FOXI3: variants seen among roughly 807,000 people sequenced by gnomAD.
The protein encoded by FOXI3 is forkhead box protein I3.
Under a neutral mutation model 15.6 loss-of-function variants are expected in FOXI3, and 4 were observed. The ratio of observed to expected loss-of-function variants is 0.26; its 90% confidence interval spans 0.13 to 0.59. The LOEUF (loss-of-function observed/expected upper bound fraction) is 0.59, where lower values mean the gene tolerates loss of function less well. Among genes scored for constraint, FOXI3 ranks in the 20% least tolerant of loss-of-function variants. The pLI, the probability that FOXI3 is intolerant of heterozygous loss-of-function variation, is 0.90. For synonymous variants in FOXI3, 238 were observed against 244.4 expected (o/e 0.97, Z 0.25); for missense variants, 489 against 548.2 (o/e 0.89, Z 1.08).
Position 88,452,181 on chromosome 2 carries a change from AGGCGGGCGC to A in FOXI3, c.346_354del (p.Ala116_Ala118del), listed in dbSNP as rs757327073. 2.5e-4 allele frequency: 312 copies of A among 1,272,850 alleles called. 5 individuals are homozygous for A. Among genetic ancestry groups the A allele is most frequent in the Non-Finnish European group, 2.7e-4 (274 of 1,013,252 alleles). The allele number at this position is 1,272,850 out of a possible 1,614,324, so 78.8% of individuals were successfully genotyped here. ...CCGGGCCCCGCGGGCGCGGCGGGCGAGGCGGGCGCGGCGGGCGCGGGCTGCGCGAAGGGC... is the reference window on the plus strand; with the variant it reads ...CCGGGCCCCGCGGGCGCGGCGGGCGAGGCGGGCGCGGGCTGCGCGAAGGGC... On this transcript the variant is annotated inframe_deletion, in exon 1 of 2. Coordinates refer to ENST00000428390, the MANE Select transcript of FOXI3 (RefSeq NM_001135649.3).
chr2:88,451,514 G>C (rs1460069791), intron 1 of FOXI3, among the ~76,000 whole-genome samples: 2 of 152,160 alleles, frequency 1.3e-5, no homozygotes, highest in Non-Finnish European at 2.9e-5. Flanking sequence ...GGAAATCCCA[G>C]CTCACACGGA....
At position 88,452,647 on chromosome 2, in the gene FOXI3, A is replaced by C. The variant is rs1676075976; in HGVS notation, c.-112T>G. 1.5e-6 allele frequency: 1 copy of C among 647,786 alleles called. No homozygotes were observed. Among genetic ancestry groups the C allele is most frequent in the Non-Finnish European group, 2.0e-6 (1 of 510,534 alleles). The allele number at this position is 647,786 out of a possible 1,614,324, so 40.1% of individuals were successfully genotyped here. A position where few individuals can be genotyped will look rare whatever the true frequency, so the allele number is the denominator to read the frequency against. On this transcript the variant is annotated 5_prime_UTR_variant, in exon 1 of 2. Transcript: ENST00000428390. ...GGGCCAACCCTGCGGCTCCGCCTTCACCCGCGCTGGGCGCCCGGTGCTCCG... is the reference window on the plus strand; with the variant it reads ...GGGCCAACCCTGCGGCTCCGCCTTCCCCCGCGCTGGGCGCCCGGTGCTCCG...
Position 88,452,317 on chromosome 2 carries a change from GGCGGCGGCT to G in FOXI3, c.210_218del (p.Ala72_Ala74del). The G allele has an allele frequency of 1.0e-6, 1 of 982,012 alleles. No homozygotes were observed. Among genetic ancestry groups the G allele is most frequent in the South Asian group, 4.5e-5 (1 of 22,136 alleles). The allele number at this position is 982,012 out of a possible 1,614,324, so 60.8% of individuals were successfully genotyped here. Reference sequence around the variant, plus strand: ...GCGGCGGCGGAGCGCCCAGGTACGCGGCGGCGGCTGCGGCGGCGGCGGAGGGCGGGCCTC... The same window carrying G: ...GCGGCGGCGGAGCGCCCAGGTACGCGGCGGCGGCGGCGGAGGGCGGGCCTC... On this transcript the variant is annotated inframe_deletion, in exon 1 of 2. Transcript: ENST00000428390.
intron 1 of FOXI3, among the ~76,000 whole-genome samples, chr2:88,450,643 G>C (rs998717653): frequency 1.3e-5 from 2 of 152,046 alleles, no homozygotes; most frequent in Non-Finnish European, 2.9e-5. Context: ...GTGAAGTCTA[G>C]AGCAGTTTAC....
At position 88,448,349 on chromosome 2, in the gene FOXI3, T is replaced by A. The variant is rs1052680274; in HGVS notation, c.1121A>T (p.Asn374Ile). The A allele has an allele frequency of 8.4e-6, 13 of 1,551,496 alleles. No homozygotes were observed. The African/African-American group carries it at 1.8e-4, about 21-fold the overall frequency. ...DTLQLSNSTS[N>I]STGQRSSYYS... ...ATAGGAAGATCTCTGGCCGGTGCTA[T>A]TGCTGGTGCTATTGCTCAGTTGCAA... is the stretch of plus-strand genomic sequence containing the variant. Residue 374 changes from asparagine (N) to isoleucine (I), a missense_variant, in exon 2 of 2, where the codon AAT becomes ATT. Physicochemically the swap from Asn to Ile is moderately radical, Grantham distance 149 (BLOSUM62 -3). Around this residue, in one of 3 missense-constraint regions of FOXI3, gnomAD observed 263 missense variants for 285.5 expected, o/e 0.92. Coordinates refer to ENST00000428390, the MANE Select transcript of FOXI3 (RefSeq NM_001135649.3).
In FOXI3 at chr2:88,452,304, C is replaced by G; in HGVS notation, c.232G>C (p.Ala78Pro). The change falls in exon 1 of 2, where the codon GCT (alanine) becomes CCT (proline). Residue 78 changes from alanine (A) to proline (P), a missense_variant. Physicochemically the swap from Ala to Pro is conservative, Grantham distance 27 (BLOSUM62 -1). Transcript: ENST00000428390. ...CCGGGGGGCGGCGGCGGCGGCGGAGCGCCCAGGTACGCGGCGGCGGCTGCG... is the reference window on the plus strand; with the variant it reads ...CCGGGGGGCGGCGGCGGCGGCGGAGGGCCCAGGTACGCGGCGGCGGCTGCG... ...AAAAAAAYLG[A>P]PPPPPPPGAA... is the part of the protein sequence containing the mutation. 1.0e-6 allele frequency: 1 copy of G among 981,334 alleles called. No individual in the cohort carries two copies. Among genetic ancestry groups the G allele is most frequent in the African/African-American group, 1.8e-5 (1 of 56,502 alleles). The allele number at this position is 981,334 out of a possible 1,614,324, so 60.8% of individuals were successfully genotyped here.
intron 1 of FOXI3, among the ~76,000 whole-genome samples, chr2:88,449,845 A>G (rs1573325775): frequency 6.6e-6 from 1 of 152,236 alleles, no homozygotes; most frequent in East Asian, 1.9e-4. Flanking sequence ...AACTCCTTCC[A>G]CTTTTCAGAT....
In FOXI3 at chr2:88,448,097, A is replaced by T; in HGVS notation, c.*110T>A. 1.0e-6 allele frequency: 1 copy of T among 982,178 alleles called. No individual in the cohort carries two copies. The highest frequency in any genetic ancestry group is 2.7e-5 in the Admixed American group (1 of 37,664). 60.8% of individuals were successfully genotyped at this position (982,178 alleles called of 1,614,324 possible). A position where few individuals can be genotyped will look rare whatever the true frequency, so the allele number is the denominator to read the frequency against. On this transcript the variant is annotated 3_prime_UTR_variant, in exon 2 of 2. Coordinates refer to ENST00000428390, the MANE Select transcript of FOXI3 (RefSeq NM_001135649.3). ...GACCACGAGATCACCCAGGAACTCG[A>T]CAGAAACGCAGAACTCAGGTCCTAC... is the stretch of plus-strand genomic sequence containing the variant.
chr2:88,447,893 A>G lies in FOXI3; in HGVS notation c.*314T>C, dbSNP rs942532055. The G allele has an allele frequency of 2.1e-5, 8 of 381,212 alleles. No individual in the cohort carries two copies. In the Admixed American group the frequency reaches 2.3e-4, roughly 11 times the overall value. 23.6% of individuals were successfully genotyped at this position (381,212 alleles called of 1,614,324 possible). On this transcript the variant is annotated 3_prime_UTR_variant, in exon 2 of 2. Transcript: ENST00000428390. ...ACTTGAGCTTGCAATCCTGGCATAC[A>G]GTGATAAACAAAATAGACATGGTCC...
At position 88,448,064 on chromosome 2, in the gene FOXI3, G is replaced by A; in HGVS notation, c.*143C>T. ...ACTACACCCTCATTACTCCAAGTGT[G>A]GTCAAAGGACCACGAGATCACCCAG... On this transcript the variant is annotated 3_prime_UTR_variant, in exon 2 of 2. Coordinates refer to ENST00000428390, the MANE Select transcript of FOXI3 (RefSeq NM_001135649.3). 8.4e-6 allele frequency: 6 copies of A among 715,566 alleles called. No homozygotes were observed. The highest frequency in any genetic ancestry group is 7.4e-5 in the South Asian group (4 of 54,010). The allele number at this position is 715,566 out of a possible 1,614,324, so 44.3% of individuals were successfully genotyped here.
intron 1 of FOXI3, among the ~76,000 whole-genome samples, chr2:88,449,521 C>T (rs1288667272): frequency 6.6e-6 from 1 of 152,220 alleles, no homozygotes; most frequent in African/African-American, 2.4e-5. Context: ...GAGGAAGCTC[C>T]TGGAATCTAC....
At chr2:88,449,275 T>G (rs1295292202) in intron 1 of FOXI3, among the ~76,000 whole-genome samples, 1 of 151,446 alleles carries the variant, frequency 6.6e-6, no homozygotes, top group Non-Finnish European at 1.5e-5. Context: ...AAAATAGAGA[T>G]AAGGATAGTA....
intron 1 of FOXI3, among the ~76,000 whole-genome samples, chr2:88,451,585 G>C (rs141009902): frequency 1.5e-4 from 23 of 152,272 alleles, no homozygotes; most frequent in African/African-American, 5.3e-4. Flanking sequence ...CCTTCAAAAG[G>C]CCTAAGGAAC....
Position 88,448,074 on chromosome 2 carries a change from CCACGAGATCACCCAGGAA to C in FOXI3, c.*115_*132del. The C allele has an allele frequency of 1.3e-6, 1 of 781,396 alleles. No homozygotes were observed. Among genetic ancestry groups the C allele is most frequent in the Admixed American group, 2.8e-5 (1 of 35,886 alleles). 48.4% of individuals were successfully genotyped at this position (781,396 alleles called of 1,614,324 possible). On this transcript the variant is annotated 3_prime_UTR_variant, in exon 2 of 2. Coordinates refer to ENST00000428390, the MANE Select transcript of FOXI3 (RefSeq NM_001135649.3). ...CATTACTCCAAGTGTGGTCAAAGGA[CCACGAGATCACCCAGGAA>C]CTCGACAGAAACGCAGAACTCAGGT...
In FOXI3 at chr2:88,452,166, C is replaced by A. The variant is rs1676060667; in HGVS notation, c.370G>T (p.Ala124Ser). The A allele has an allele frequency of 7.5e-7, 1 of 1,332,724 alleles. No homozygotes were observed. The highest frequency in any genetic ancestry group is 3.8e-5 in the Admixed American group (1 of 26,302). The allele number at this position is 1,332,724 out of a possible 1,614,324, so 82.6% of individuals were successfully genotyped here. A position where few individuals can be genotyped will look rare whatever the true frequency, so the allele number is the denominator to read the frequency against. ...PAAPASPAAPAGPGELGWLSM... is the reference protein window; with the variant it reads ...PAAPASPAAPSGPGELGWLSM... Reference sequence around the variant, plus strand: ...AGCCAGCCCAGCTCCCCGGGCCCCGCGGGCGCGGCGGGCGAGGCGGGCGCG... The same window carrying A: ...AGCCAGCCCAGCTCCCCGGGCCCCGAGGGCGCGGCGGGCGAGGCGGGCGCG... Residue 124 changes from alanine (A) to serine (S), a missense_variant, in exon 1 of 2, where the codon GCG (alanine) becomes TCG (serine). Ala to Ser is a moderately conservative substitution (Grantham distance 99). This residue lies in a region of FOXI3 where 224 missense variants were observed against 245.7 expected (regional missense o/e 0.91). Transcript: ENST00000428390.
At position 88,452,216 on chromosome 2, in the gene FOXI3, C is replaced by A. The variant is rs1265402428; in HGVS notation, c.320G>T (p.Arg107Leu). ...GGCGGGCGCGGGCTGCGCGAAGGGC[C>A]GCTGAGAGCAGCCGAAGGTGCCGGC... ...PAAGTFGCSQ[R>L]PFAQPAPAAP... The change falls in exon 1 of 2, where the codon CGG (arginine) becomes CTG (leucine). Residue 107 changes from arginine (R) to leucine (L), a missense_variant. This residue lies in a region of FOXI3 where 224 missense variants were observed against 245.7 expected (regional missense o/e 0.91). Transcript: ENST00000428390. The A allele has an allele frequency of 4.4e-5, 50 of 1,145,508 alleles. No homozygotes were observed. Among genetic ancestry groups the A allele is most frequent in the Non-Finnish European group, 4.9e-5 (46 of 936,620 alleles). 71.0% of individuals were successfully genotyped at this position (1,145,508 alleles called of 1,614,324 possible). A position where few individuals can be genotyped will look rare whatever the true frequency, so the allele number is the denominator to read the frequency against.
intron 1 of FOXI3, 51 bp downstream of exon 1, chr2:88,451,845 C>A (rs1315845540): frequency 8.2e-6 from 13 of 1,576,026 alleles, no homozygotes; most frequent in Non-Finnish European, 1.0e-5. Flanking sequence ...CCGGCCCTTG[C>A]GACCCGCGTC....
In FOXI3 at chr2:88,447,490, G is replaced by A. The variant is rs2104256291; in HGVS notation, c.*717C>T. The A allele has an allele frequency of 6.6e-6, 1 of 152,336 alleles. No individual in the cohort carries two copies. The highest frequency in any genetic ancestry group is 2.1e-4 in the South Asian group (1 of 4,826). The allele number at this position is 152,336 out of a possible 1,614,324, so 9.4% of individuals were successfully genotyped here. A position where few individuals can be genotyped will look rare whatever the true frequency, so the allele number is the denominator to read the frequency against. On this transcript the variant is annotated 3_prime_UTR_variant, in exon 2 of 2. Coordinates refer to ENST00000428390, the MANE Select transcript of FOXI3 (RefSeq NM_001135649.3). The stretch of plus-strand genomic sequence containing the variant: ...GGAGGCCGAGGCGGGTGGATCACCT[G>A]AGGTCAGGAGTTTGAGACCAGCCTG...
chr2:88,449,384 G>C (rs1261904334), intron 1 of FOXI3, among the ~76,000 whole-genome samples: 2 of 152,190 alleles, frequency 1.3e-5, no homozygotes, highest in Admixed American at 6.5e-5. Flanking sequence ...ATTATTCGTT[G>C]AAAGTGCATA....
Sources: allele counts gnomAD v4.1 joint callset (sites outside exome capture counted in the v4.1 genomes callset), GRCh38; gene constraint gnomAD v4.1.1; regional missense constraint gnomAD v4.1.1; transcripts MANE v1.5; gene names NCBI Gene and HGNC (gene_info 2026-07-23, HGNC 2026-07-21).